Variants in ALK observed in about 807,000 individuals in gnomAD.
The protein encoded by ALK is ALK tyrosine kinase receptor.
ALK carries 74 observed loss-of-function variants against 163.1 expected under a neutral mutation model. The observed-to-expected ratio is 0.45, with a 90% CI of 0.38 to 0.55. The LOEUF is 0.55. ALK is among the 20% of genes least tolerant of loss of function. The pLI is 0.00. For synonymous variants in ALK, 960 were observed against 843.2 expected (o/e 1.14, Z -2.40); for missense variants, 2,063 against 2,105.3 (o/e 0.98, Z 0.39).
chr2:29,264,755 C>T (rs370280831), intron 11 of ALK, among the ~76,000 whole-genome samples: 1 of 152,186 alleles, frequency 6.6e-6, no homozygotes, highest in South Asian at 2.1e-4. Flanking sequence ...GGTGCTGGGA[C>T]ACTTTTGGCC....
chr2:29,842,970 A>G (rs1199046125), intron 1 of ALK, among the ~76,000 whole-genome samples: 6 of 152,238 alleles, frequency 3.9e-5, no homozygotes, highest in Admixed American at 3.9e-4. Context: ...GACAGAGGAA[A>G]TGAGAACAGG....
chr2:29,585,308 A>G (rs4625859), intron 3 of ALK, among the ~76,000 whole-genome samples: 137,922 of 152,046 alleles, frequency 0.91, 63,572 homozygotes, highest in East Asian at 0.99. Flanking sequence ...TTAATATTTC[A>G]ATGTATTTTC....
intron 1 of ALK, among the ~76,000 whole-genome samples, chr2:29,912,098 G>T (rs1010243534): frequency 6.6e-6 from 1 of 152,100 alleles, no homozygotes; most frequent in Non-Finnish European, 1.5e-5. Flanking sequence ...TTCAAAAAAA[G>T]AAATTAGCAG....
chr2:29,323,583 A>AC (rs1448370843), intron 6 of ALK, among the ~76,000 whole-genome samples: 2 of 152,056 alleles, frequency 1.3e-5, no homozygotes, highest in African/African-American at 2.4e-5. Flanking sequence ...GGCAATTAAA[A>AC]CCCCTAAGGG....
Position 29,921,120 on chromosome 2 carries a change from G to C in ALK, c.-461C>G, listed in dbSNP as rs969495008. The C allele has an allele frequency of 8.2e-6, 2 of 242,496 alleles. No homozygotes were observed. Among genetic ancestry groups the C allele is most frequent in the Non-Finnish European group, 1.6e-5 (2 of 124,364 alleles). The allele number at this position is 242,496 out of a possible 1,614,324, so 15.0% of individuals were successfully genotyped here. ...TTAAGGCTGAGAACGGCGGCTCCCAGCTGCTGCACGCTGTCCTGGCCGCCT... is the reference window on the plus strand; with the variant it reads ...TTAAGGCTGAGAACGGCGGCTCCCACCTGCTGCACGCTGTCCTGGCCGCCT... On this transcript the variant is annotated 5_prime_UTR_variant, in exon 1 of 29. Transcript: ENST00000389048.
chr2:29,705,289 A>ATATATATC (rs1678875518), intron 2 of ALK, among the ~76,000 whole-genome samples: 2 of 117,956 alleles, frequency 1.7e-5, no homozygotes, highest in African/African-American at 6.3e-5. Context: ...ATAAATATAT[A>ATATATATC]TCTGCTGTGA....
chr2:29,253,857 TAGATAGATAGATA>T (rs984284415), intron 11 of ALK, among the ~76,000 whole-genome samples: 3 of 133,912 alleles, frequency 2.2e-5, no homozygotes, highest in Non-Finnish European at 4.7e-5. Context: ...GATAGATAGA[TAGATAGATAGATA>T]GATAGATAGA....
At chr2:29,299,235 C>A (rs895577650) in intron 8 of ALK, among the ~76,000 whole-genome samples, 3 of 152,228 alleles carry the variant, frequency 2.0e-5, no homozygotes, top group Admixed American at 6.5e-5. Flanking sequence ...CTTCCGAATT[C>A]TCTTGTATAT....
chr2:29,679,373 A>C (rs1225070484), intron 3 of ALK, among the ~76,000 whole-genome samples: 1 of 151,310 alleles, frequency 6.6e-6, no homozygotes, highest in Non-Finnish European at 1.5e-5. Context: ...TTCAGCACTG[A>C]ATACTTTTCA....
chr2:29,409,924 C>T (rs1669687355), intron 4 of ALK, among the ~76,000 whole-genome samples: 1 of 152,142 alleles, frequency 6.6e-6, no homozygotes, highest in Non-Finnish European at 1.5e-5. Flanking sequence ...CATCTTTTCT[C>T]TGCTTGGACC....
intron 1 of ALK, among the ~76,000 whole-genome samples, chr2:29,838,470 A>G (rs1665620784): frequency 1.3e-5 from 2 of 152,172 alleles, no homozygotes; most frequent in Admixed American, 6.5e-5. Flanking sequence ...AGATTTGTAT[A>G]AAAATGTTTA....
intron 3 of ALK, among the ~76,000 whole-genome samples, chr2:29,611,407 C>G (rs539083274): frequency 1.3e-5 from 2 of 152,192 alleles, no homozygotes; most frequent in Non-Finnish European, 2.9e-5. Context: ...AAAGTAAACA[C>G]TTTCATAAAC....
rs559493051 is a variant in ALK, at chr2:29,471,592, G to A, written c.1154+60323C>T. On this transcript the variant is annotated intron_variant, in intron 4 of 28. Transcript: ENST00000389048. ...ATTTGATATCATTCATTACCTATTC[G>A]TGATGAAAAACCTCAGCACACTAGG... Among the ~76,000 whole-genome samples the A allele has an allele frequency of 9.9e-5, 15 of 152,256 alleles. 1 individual carries two copies. The South Asian group carries it at 1.0e-3, about 11-fold the overall frequency.
chr2:29,259,017 C>T (rs944369846), intron 11 of ALK, among the ~76,000 whole-genome samples: 1 of 152,148 alleles, frequency 6.6e-6, no homozygotes, highest in Non-Finnish European at 1.5e-5. Flanking sequence ...TCACAAGGTA[C>T]ATCATGAGTT....
chr2:29,333,126 T>G (rs916039895), intron 5 of ALK, among the ~76,000 whole-genome samples: 7 of 151,266 alleles, frequency 4.6e-5, no homozygotes, highest in African/African-American at 9.8e-5. Flanking sequence ...GTTTTTTTGT[T>G]TTTTTTTGAG....
Position 29,193,231 on chromosome 2 carries a change from C to T in ALK, c.4856G>A (p.Gly1619Glu), listed in dbSNP as rs1400620079. The T allele has an allele frequency of 6.2e-7, 1 of 1,614,012 alleles. No homozygotes were observed. Reference protein sequence around the residue: ...LKSKNSMNQPGP With the variant: ...LKSKNSMNQPEP ...GTGAGTGTGCGACCGAGCTCAGGGCCCAGGCTGGTTCATGCTATTCTTGCT... is the reference window on the plus strand; with the variant it reads ...GTGAGTGTGCGACCGAGCTCAGGGCTCAGGCTGGTTCATGCTATTCTTGCT... The change falls in exon 29 of 29, where the codon GGG (glycine) becomes GAG (glutamate). Residue 1619 changes from glycine to glutamate, a missense_variant. This residue lies in a region of ALK where 403 missense variants were observed against 366.2 expected (regional missense o/e 1.10). Transcript: ENST00000389048.
intron 4 of ALK, among the ~76,000 whole-genome samples, chr2:29,505,200 A>C (rs1283400964): frequency 6.6e-6 from 1 of 152,170 alleles, no homozygotes; most frequent in Non-Finnish European, 1.5e-5. Flanking sequence ...TCAGGTGAGA[A>C]GGCTGTGAAT....
intron 3 of ALK, among the ~76,000 whole-genome samples, chr2:29,606,132 A>AT (rs1454178626): frequency 6.6e-6 from 1 of 152,076 alleles, no homozygotes; most frequent in Non-Finnish European, 1.5e-5. Context: ...TCCAAGACTC[A>AT]TTTTTTCACA....
chr2:29,239,654 G>T lies in ALK; in HGVS notation c.2355+26C>A, dbSNP rs77855517. 3.1e-6 allele frequency: 5 copies of T among 1,612,686 alleles called. No homozygotes were observed. The African/African-American group carries it at 6.7e-5, about 22-fold the overall frequency. The stretch of plus-strand genomic sequence containing the variant: ...TCCCGGGGCCTGACAGAGTGCAGAC[G>T]AGAAACCCCTGCTCTGGGCACTTAC... On this transcript the variant is annotated intron_variant, in intron 13 of 28. Transcript: ENST00000389048.
Sources: allele counts gnomAD v4.1 joint callset (sites outside exome capture counted in the v4.1 genomes callset), GRCh38; gene constraint gnomAD v4.1.1; regional missense constraint gnomAD v4.1.1; transcripts MANE v1.5; gene names NCBI Gene and HGNC (gene_info 2026-07-23, HGNC 2026-07-21).